ZNF618: variants seen among roughly 807,000 people sequenced by gnomAD.
ZNF618 encodes zinc finger protein 618, also known as neural precursor cell expressed, developmentally down-regulated 10.
A neutral mutation model predicts 103.0 loss-of-function variants in ZNF618; 34 were observed. The observed-to-expected ratio is 0.33, with a 90% CI of 0.25 to 0.44. The LOEUF (loss-of-function observed/expected upper bound fraction) is 0.44. Ranked by LOEUF, ZNF618 falls within the 20% of genes least tolerant of loss-of-function variation. ZNF618 has a pLI of 1.00. For missense variants in ZNF618, 1,059 were observed against 1,295.4 expected, an observed-to-expected ratio of 0.82 and a Z score of 2.80; for synonymous variants, 551 against 542.2, an observed-to-expected ratio of 1.02 and a Z score of -0.23.
chr9:113,938,829 C>T (rs556710213), intron 1 of ZNF618, among the ~76,000 whole-genome samples: 3 of 152,228 alleles, frequency 2.0e-5, no homozygotes, highest in South Asian at 2.1e-4. Flanking sequence ...CTCAGCCTCC[C>T]GAAGTGCTGG....
At chr9:113,926,288 A>T (rs75092189) in intron 1 of ZNF618, among the ~76,000 whole-genome samples, 1,816 of 151,854 alleles carry the variant, frequency 0.012, 114 homozygotes, top group Admixed American at 0.092. Context: ...TTTTGCAAAA[A>T]TATTTCAATA....
Position 114,008,391 on chromosome 9 carries a change from G to A in ZNF618, c.676+12G>A. On this transcript the variant is annotated intron_variant, in intron 8 of 14. Transcript: ENST00000374126. ...TGAGAACCGGGCAGGTAAGTCCTTG[G>A]TGTCTGCTTGTCACCTCCCCTGTCC... is the stretch of plus-strand genomic sequence containing the variant. The A allele has an allele frequency of 6.2e-7, 1 of 1,614,018 alleles. No individual in the cohort carries two copies. Among genetic ancestry groups the A allele is most frequent in the Non-Finnish European group, 8.5e-7 (1 of 1,179,882 alleles).
At chr9:113,923,952 C>T (rs538935152) in intron 1 of ZNF618, among the ~76,000 whole-genome samples, 18 of 152,132 alleles carry the variant, frequency 1.2e-4, no homozygotes, top group Non-Finnish European at 2.5e-4. Flanking sequence ...TGGCAGTCAA[C>T]AAGTTTCAGA....
chr9:113,981,839 C>G (rs1004138161), intron 2 of ZNF618, among the ~76,000 whole-genome samples: 2 of 152,214 alleles, frequency 1.3e-5, no homozygotes, highest in African/African-American at 4.8e-5. Context: ...TGAGTTCTTT[C>G]TGTGGGCCAG....
intron 10 of ZNF618, among the ~76,000 whole-genome samples, chr9:114,017,265 A>G (rs1408858233): frequency 4.6e-5 from 7 of 152,078 alleles, no homozygotes; most frequent in African/African-American, 7.2e-5. Context: ...GGTGGCAGGA[A>G]CCCTGAGCTG....
intron 1 of ZNF618, among the ~76,000 whole-genome samples, chr9:113,915,072 A>G (rs1485578046): frequency 6.6e-6 from 1 of 152,250 alleles, no homozygotes; most frequent in African/African-American, 2.4e-5. Flanking sequence ...CTTACTTAGC[A>G]AAACTTTCAA....
rs924418149 is a variant in ZNF618 at position 114,056,089 on chromosome 9, A to C, written c.*5922A>C. On this transcript the variant is annotated 3_prime_UTR_variant, in exon 15 of 15. Transcript: ENST00000374126. ...ACAGCTCTCCAGGGAGTCACATTGC[A>C]TGGGGGTTGAGTTGACGGTTCTTGT... is the stretch of plus-strand genomic sequence containing the variant. 6.6e-6 allele frequency: 1 copy of C among 152,060 alleles called. No individual in the cohort carries two copies. The highest frequency in any genetic ancestry group is 1.5e-5 in the Non-Finnish European group (1 of 67,916). 9.4% of individuals were successfully genotyped at this position (152,060 alleles called of 1,614,324 possible). A position where few individuals can be genotyped will look rare whatever the true frequency, so the allele number is the denominator to read the frequency against.
rs566937974 is a variant in ZNF618, at chr9:113,924,766, A to G, written c.34-44351A>G. Among the ~76,000 whole-genome samples, 48 of 151,904 alleles carry G rather than the reference A, an allele frequency of 3.2e-4. 1 individual carries two copies. In the South Asian group the frequency reaches 9.6e-3, roughly 30 times the overall value. ...ATAATAGTTTTTAATTTCTCTTGAG[A>G]TTTCTGCATTGACCTGTGTGTTATT... On this transcript the variant is annotated intron_variant, in intron 1 of 14. Transcript: ENST00000374126.
chr9:114,031,654 T>C (rs1390317184), intron 11 of ZNF618, among the ~76,000 whole-genome samples: 1 of 152,198 alleles, frequency 6.6e-6, no homozygotes, highest in Non-Finnish European at 1.5e-5. Flanking sequence ...TGGGAACCCC[T>C]CTTATGTTTG....
At chr9:114,022,570 C>T (rs1843162331) in intron 10 of ZNF618, among the ~76,000 whole-genome samples, 2 of 133,148 alleles carry the variant, frequency 1.5e-5, no homozygotes, top group East Asian at 2.1e-4. Flanking sequence ...ACCTTATGGT[C>T]TCTTCTGCTG....
At chr9:113,884,945 A>G (rs1432794348) in intron 1 of ZNF618, among the ~76,000 whole-genome samples, 1 of 152,168 alleles carries the variant, frequency 6.6e-6, no homozygotes, top group East Asian at 1.9e-4. Context: ...GTGTGTATAC[A>G]CTGTATCAAA....
chr9:114,013,492 G>A (rs551434395), intron 9 of ZNF618, among the ~76,000 whole-genome samples: 14 of 152,220 alleles, frequency 9.2e-5, no homozygotes, highest in East Asian at 1.9e-4. Context: ...GTGCAGTGGC[G>A]CAGTCTCGGC....
At chr9:113,920,528 C>T (rs373594508) in intron 1 of ZNF618, among the ~76,000 whole-genome samples, 20 of 151,786 alleles carry the variant, frequency 1.3e-4, no homozygotes, top group South Asian at 1.0e-3. Flanking sequence ...CGGCCTCCCA[C>T]GTAGCTGGGA....
rs78244862 is a variant in ZNF618 at position 114,017,509 on chromosome 9, C to G, written c.844+725C>G. ...ATTTGAGGGGTCTCCATCCTCAGAT[C>G]CCCGAGTATATGAGCTAGGGGGCCC... On this transcript the variant is annotated intron_variant, in intron 10 of 14. Coordinates refer to ENST00000374126, the MANE Select transcript of ZNF618 (RefSeq NM_001318042.2). 1.3e-3 allele frequency among the ~76,000 whole-genome samples: 198 copies of G among 152,302 alleles called. 5 individuals are homozygous for G. In the East Asian group the frequency reaches 0.036, roughly 28 times the overall value.
chr9:113,914,093 A>G (rs1364980523), intron 1 of ZNF618, among the ~76,000 whole-genome samples: 2 of 152,064 alleles, frequency 1.3e-5, no homozygotes, highest in African/African-American at 4.8e-5. Flanking sequence ...TTTTTATTTA[A>G]CATGCTGCTG....
At chr9:113,998,785 G>T (rs146246368) in intron 4 of ZNF618, among the ~76,000 whole-genome samples, 2 of 152,374 alleles carry the variant, frequency 1.3e-5, no homozygotes, top group East Asian at 3.9e-4. Context: ...ACGCCACGAG[G>T]TCTCCCTCAT....
chr9:114,054,821 C>T lies in ZNF618; in HGVS notation c.*4654C>T, dbSNP rs1846360428. ...GTTTGAGGATTGTGGTCGGGGGAGCCCTGGCTTTCACCAAAGGAGCCCAGT... is the reference window on the plus strand; with the variant it reads ...GTTTGAGGATTGTGGTCGGGGGAGCTCTGGCTTTCACCAAAGGAGCCCAGT... On this transcript the variant is annotated 3_prime_UTR_variant, in exon 15 of 15. Coordinates refer to ENST00000374126, the MANE Select transcript of ZNF618 (RefSeq NM_001318042.2). 1 of 152,370 alleles carries T rather than the reference C, an allele frequency of 6.6e-6. No individual in the cohort carries two copies. Among genetic ancestry groups the T allele is most frequent in the African/African-American group, 2.4e-5 (1 of 41,428 alleles). The allele number at this position is 152,370 out of a possible 1,614,324, so 9.4% of individuals were successfully genotyped here.
chr9:113,977,084 TG>T (rs1422636587), intron 2 of ZNF618, among the ~76,000 whole-genome samples: 1 of 152,160 alleles, frequency 6.6e-6, no homozygotes, highest in African/African-American at 2.4e-5. Context: ...TCTGGGGTGT[TG>T]GGGCAAGAGC....
intron 2 of ZNF618, among the ~76,000 whole-genome samples, chr9:113,969,594 A>C (rs1837754609): frequency 6.6e-6 from 1 of 152,212 alleles, no homozygotes; most frequent in Non-Finnish European, 1.5e-5. Flanking sequence ...GGATACTCTG[A>C]TTAGCCAGGG....
Sources: allele counts gnomAD v4.1 joint callset (sites outside exome capture counted in the v4.1 genomes callset), GRCh38; gene constraint gnomAD v4.1.1; transcripts MANE v1.5; gene names NCBI Gene and HGNC (gene_info 2026-07-23, HGNC 2026-07-21).